ATIC: variants seen among roughly 807,000 people sequenced by gnomAD.
ATIC encodes the protein bifunctional purine biosynthesis protein ATIC.
In ATIC, 64 loss-of-function variants were observed where a neutral mutation model predicts 72.5. That is an observed-to-expected ratio of 0.88 (90% CI 0.72 to 1.09). The LOEUF (loss-of-function observed/expected upper bound fraction) is 1.09, where lower values mean the gene tolerates loss of function less well. Among genes scored for constraint, ATIC ranks in the 50% least tolerant of loss-of-function variants. The pLI, the probability that ATIC is intolerant of heterozygous loss-of-function variation, is 0.00. For synonymous variants in ATIC, 281 were observed against 267.1 expected, an observed-to-expected ratio of 1.05 and a Z score of -0.51; for missense variants, 787 against 732.4, an observed-to-expected ratio of 1.07 and a Z score of -0.86.
At chr2:215,340,754 C>G (rs1366389537) in intron 12 of ATIC, among the ~76,000 whole-genome samples, 1 of 152,164 alleles carries the variant, frequency 6.6e-6, no homozygotes, top group Admixed American at 6.5e-5. Context: ...CTGCTGTACG[C>G]TGAACTCGGC....
At chr2:215,329,063 C>T (rs1252774660) in intron 7 of ATIC, among the ~76,000 whole-genome samples, 1 of 152,160 alleles carries the variant, frequency 6.6e-6, no homozygotes, top group East Asian at 1.9e-4. Flanking sequence ...TTTTGTTTGT[C>T]GCTGAATCCC....
the ATIC span, among the ~76,000 whole-genome samples, chr2:215,366,795 AGT>A: frequency 6.6e-6 from 1 of 152,196 alleles, no homozygotes; most frequent in Admixed American, 6.5e-5. Flanking sequence ...ATTGCACCTA[AGT>A]GCTCAAACAG....
chr2:215,366,860 C>G, the ATIC span, among the ~76,000 whole-genome samples: 1 of 152,224 alleles, frequency 6.6e-6, no homozygotes, highest in Non-Finnish European at 1.5e-5. Flanking sequence ...TAAAAACCAT[C>G]TACTTGAAGT....
intron 6 of ATIC, 23 bp downstream of exon 6, chr2:215,326,161 T>C (rs2052823171): frequency 6.2e-7 from 1 of 1,613,536 alleles, no homozygotes; most frequent in African/African-American, 1.3e-5. Context: ...TTCATGATAT[T>C]GTAAGTTACA....
intron 4 of ATIC, among the ~76,000 whole-genome samples, chr2:215,320,225 T>C (rs1254286702): frequency 6.6e-6 from 1 of 152,208 alleles, no homozygotes; most frequent in Non-Finnish European, 1.5e-5. Flanking sequence ...CTCTTAAATA[T>C]ACGTAACAGC....
At chr2:215,319,630 G>T (rs775596168) in intron 3 of ATIC, 35 bp from the exon 4 acceptor site, 1 of 1,452,276 alleles carries the variant, frequency 6.9e-7, no homozygotes, top group Non-Finnish European at 9.7e-7. Context: ...CTTGTTTTTT[G>T]AAGCTAATGA....
chr2:215,312,090 C>T lies in ATIC; in HGVS notation c.-53C>T, dbSNP rs1471721525. On this transcript the variant is annotated 5_prime_UTR_variant, in exon 1 of 16. It adds an upstream start codon to the 5' untranslated region. Transcript: ENST00000236959. ...TCCCGGCAGCCCTCCTACCTGCGCA[C>T]GTGGTGCCGCCGCTGCTGCCTCCCG... 32 of 1,529,880 alleles carry T rather than the reference C, an allele frequency of 2.1e-5. No homozygotes were observed. Among genetic ancestry groups the T allele is most frequent in the Admixed American group, 3.9e-5 (2 of 50,728 alleles). 94.8% of individuals were successfully genotyped at this position (1,529,880 alleles called of 1,614,324 possible). A position where few individuals can be genotyped will look rare whatever the true frequency, so the allele number is the denominator to read the frequency against.
intron 11 of ATIC, among the ~76,000 whole-genome samples, chr2:215,337,683 A>G (rs1419657534): frequency 6.6e-6 from 1 of 152,066 alleles, no homozygotes; most frequent in East Asian, 1.9e-4. Flanking sequence ...TTCTTAATCA[A>G]GTTTTTTTTT....
the ATIC span, chr2:215,365,450 A>G: frequency 6.4e-7 from 1 of 1,574,724 alleles, no homozygotes; most frequent in Non-Finnish European, 8.7e-7. Flanking sequence ...TTACAGCCTG[A>G]TAATGAAAGT....
Position 215,320,792 on chromosome 2 carries a change from G to T in ATIC, c.290+1061G>T, listed in dbSNP as rs182028155. On this transcript the variant is annotated intron_variant, in intron 4 of 15. Coordinates refer to ENST00000236959, the MANE Select transcript of ATIC (RefSeq NM_004044.7). ...GATGGGGTTTCACCATGTTGGTCAGGCTGCTCTTGGAACTCCTGACCTCAA... is the reference window on the plus strand; with the variant it reads ...GATGGGGTTTCACCATGTTGGTCAGTCTGCTCTTGGAACTCCTGACCTCAA... Among the ~76,000 whole-genome samples, 343 of 152,160 alleles carry T rather than the reference G, an allele frequency of 2.3e-3. 1 individual carries two copies. Among genetic ancestry groups the T allele is most frequent in the Middle Eastern group, 0.014 (4 of 294 alleles).
intron 4 of ATIC, among the ~76,000 whole-genome samples, chr2:215,323,420 A>C (rs2052791064): frequency 6.6e-6 from 1 of 152,200 alleles, no homozygotes; most frequent in Non-Finnish European, 1.5e-5. Context: ...AAGAATATTA[A>C]ATCTTCCAGT....
intron 10 of ATIC, 29 bp downstream of exon 10, chr2:215,335,033 GTGTGTTGAATAAAGCTTTATTTGTTCATA>G: frequency 6.6e-7 from 1 of 1,522,550 alleles, no homozygotes; most frequent in South Asian, 1.1e-5. Context: ...ATCTTAATCT[GTGTGTTGAATAAAGCTTTATTTGTTCATA>G]ATGTTAATTG....
At chr2:215,333,915 A>C (rs10932607) in intron 9 of ATIC, among the ~76,000 whole-genome samples, 57,119 of 150,992 alleles carry the variant, frequency 0.38, 11,282 homozygotes, top group East Asian at 0.72. Flanking sequence ...GGTGGGGGGT[A>C]CCTGTAGTCC....
the ATIC span, among the ~76,000 whole-genome samples, chr2:215,355,411 T>G: frequency 6.6e-6 from 1 of 151,932 alleles, no homozygotes; most frequent in Non-Finnish European, 1.5e-5. Context: ...CAATACTGAG[T>G]GTATTTCTAT....
the ATIC span, among the ~76,000 whole-genome samples, chr2:215,356,259 A>G: frequency 6.6e-6 from 1 of 152,188 alleles, no homozygotes; most frequent in Non-Finnish European, 1.5e-5. Flanking sequence ...AAGCATAGGA[A>G]CTAGTGGAAG....
chr2:215,352,027 A>G (rs138078528), downstream of ATIC, among the ~76,000 whole-genome samples: 5 of 152,368 alleles, frequency 3.3e-5, no homozygotes, highest in East Asian at 9.6e-4. Flanking sequence ...TGTCAAGATC[A>G]TCAAAAAGAG....
At chr2:215,314,968 A>C (rs1182368082) in intron 2 of ATIC, among the ~76,000 whole-genome samples, 5 of 152,218 alleles carry the variant, frequency 3.3e-5, no homozygotes, top group Non-Finnish European at 7.3e-5. Context: ...CAGAGGAAAA[A>C]CCATCCATTT....
chr2:215,328,321 C>T (rs977385251), intron 7 of ATIC, among the ~76,000 whole-genome samples: 6 of 152,166 alleles, frequency 3.9e-5, no homozygotes, highest in East Asian at 1.9e-4. Flanking sequence ...AAATGGAAAT[C>T]GGATGATGTC....
At chr2:215,364,212 A>G in the ATIC span, among the ~76,000 whole-genome samples, 1 of 152,324 alleles carries the variant, frequency 6.6e-6, no homozygotes, top group South Asian at 2.1e-4. Context: ...TGTTTTTCCT[A>G]TACTACTTAG....
Sources: allele counts gnomAD v4.1 joint callset (sites outside exome capture counted in the v4.1 genomes callset), GRCh38; gene constraint gnomAD v4.1.1; transcripts MANE v1.5; gene names NCBI Gene and HGNC (gene_info 2026-07-23, HGNC 2026-07-21).